The following FASTKD3 variants were observed in gnomAD, a reference collection of about 807,000 sequenced individuals.
FASTKD3 encodes the protein FAST kinase domains 3, also known as FAST kinase domain-containing protein 3, mitochondrial.
FASTKD3 carries 47 observed loss-of-function variants against 49.7 expected under a neutral mutation model. That is an observed-to-expected ratio of 0.95 (90% CI 0.75 to 1.21). The LOEUF (loss-of-function observed/expected upper bound fraction) is 1.21. Ranked by LOEUF, FASTKD3 falls within the 50% of genes most tolerant of loss-of-function variation. The probability of loss-of-function intolerance (pLI) is 0.00; values close to 1 mark genes in which losing one functional copy is unlikely to be tolerated. For missense variants in FASTKD3, 748 were observed against 765.7 expected (o/e 0.98, Z 0.27); for synonymous variants, 284 against 288.6 (o/e 0.98, Z 0.16).
chr5:7,868,017 C>G lies in FASTKD3; in HGVS notation c.67G>C (p.Ala23Pro). ...LSDFQMHRALAALKNKPLNHV... is the reference protein window; with the variant it reads ...LSDFQMHRALPALKNKPLNHV... ...TTTAGAGGTTTATTTTTTAAAGCAG[C>G]CAGAGCTCTATGCATCTGAAAATCA... Residue 23 changes from alanine to proline, a missense_variant, in exon 2 of 7, where the codon GCT (alanine) becomes CCT (proline). Coordinates refer to ENST00000264669, the MANE Select transcript of FASTKD3 (RefSeq NM_024091.4). The G allele has an allele frequency of 6.2e-7, 1 of 1,613,828 alleles. No homozygotes were observed. Among genetic ancestry groups the G allele is most frequent in the Non-Finnish European group, 8.5e-7 (1 of 1,179,970 alleles).
rs562548611 is a variant in FASTKD3 at position 7,863,738 on chromosome 5, T to C, written c.1525-741A>G. On this transcript the variant is annotated intron_variant, in intron 3 of 6. Coordinates refer to ENST00000264669, the MANE Select transcript of FASTKD3 (RefSeq NM_024091.4). Reference sequence around the variant, plus strand: ...AAATAACTAAATTAAACTTCTGTCATCCATGACAGATGCTAATAAATTCCA... The same window carrying C: ...AAATAACTAAATTAAACTTCTGTCACCCATGACAGATGCTAATAAATTCCA... Among the ~76,000 whole-genome samples the C allele has an allele frequency of 9.2e-5, 14 of 152,340 alleles. No homozygotes were observed. The South Asian group carries it at 2.9e-3, about 32-fold the overall frequency.
intron 6 of FASTKD3, among the ~76,000 whole-genome samples, chr5:7,860,919 C>T (rs1021179072): frequency 1.3e-5 from 2 of 152,204 alleles, no homozygotes; most frequent in African/African-American, 4.8e-5. Context: ...GAATATGTAA[C>T]TGTAACCAGT....
chr5:7,865,476 A>G (rs1469726407), intron 3 of FASTKD3, among the ~76,000 whole-genome samples: 4 of 152,188 alleles, frequency 2.6e-5, no homozygotes, highest in African/African-American at 4.8e-5. Context: ...ACTAAACTCT[A>G]TTAGATAAAA....
chr5:7,868,132 A>G lies in FASTKD3; in HGVS notation c.-49T>C. On this transcript the variant is annotated 5_prime_UTR_variant, in exon 2 of 7. It removes an upstream start codon present in the reference 5' UTR. Coordinates refer to ENST00000264669, the MANE Select transcript of FASTKD3 (RefSeq NM_024091.4). Reference sequence around the variant, plus strand: ...ACTAAATTAAAAAATTTAAAAACACATGGTTAAATACATTGAGAACATGAT... The same window carrying G: ...ACTAAATTAAAAAATTTAAAAACACGTGGTTAAATACATTGAGAACATGAT... The G allele has an allele frequency of 1.0e-5, 13 of 1,259,868 alleles. No homozygotes were observed. The highest frequency in any genetic ancestry group is 1.4e-5 in the Non-Finnish European group (13 of 905,130). 78.0% of individuals were successfully genotyped at this position (1,259,868 alleles called of 1,614,324 possible).
Position 7,861,563 on chromosome 5 carries a change from A to C in FASTKD3, c.1769+20T>G. 6.5e-7 allele frequency: 1 copy of C among 1,534,640 alleles called. No homozygotes were observed. Among genetic ancestry groups the C allele is most frequent in the Non-Finnish European group, 8.8e-7 (1 of 1,138,726 alleles). On this transcript the variant is annotated intron_variant, in intron 5 of 6. Coordinates refer to ENST00000264669, the MANE Select transcript of FASTKD3 (RefSeq NM_024091.4). ...CCTCAACGAGTCTTGTAATGTGAAA[A>C]ACACAACATTTTCCTGTACCTTTTA...
chr5:7,868,241 A>G, intron 1 of FASTKD3, 45 bp from the exon 2 acceptor site: 1 of 582,412 alleles, frequency 1.7e-6, no homozygotes, highest in East Asian at 2.9e-5. Context: ...TAACATATAA[A>G]CACCAGAGGG....
chr5:7,862,832 A>G lies in FASTKD3; in HGVS notation c.1690T>C (p.Tyr564His). Reference protein sequence around the residue: ...FAPKVLTPYCYTIDVEIKLDE... With the variant: ...FAPKVLTPYCHTIDVEIKLDE... ...TCCTTATACTACTTACCTATTGTAT[A>G]ACAATAGGGTGTCAACACTTTTGGA... The change falls in exon 4 of 7, where the codon TAT becomes CAT. Residue 564 changes from tyrosine to histidine, a missense_variant. By Grantham distance (83) the Tyr-to-His change is moderately conservative. Transcript: ENST00000264669. 1 of 1,608,942 alleles carries G rather than the reference A, an allele frequency of 6.2e-7. No homozygotes were observed. Among genetic ancestry groups the G allele is most frequent in the Non-Finnish European group, 8.5e-7 (1 of 1,176,548 alleles).
At chr5:7,863,241 C>A in intron 3 of FASTKD3, 3 of 447,400 alleles carry the variant, frequency 6.7e-6, no homozygotes, top group Non-Finnish European at 7.9e-6. Context: ...TTACCATAAA[C>A]AGAAAGAAAA....
chr5:7,859,349 T>C lies in FASTKD3; in HGVS notation c.*86A>G. On this transcript the variant is annotated 3_prime_UTR_variant, in exon 7 of 7. Coordinates refer to ENST00000264669, the MANE Select transcript of FASTKD3 (RefSeq NM_024091.4). ...CCAGTCTAGAACATATTCTGCAAAG[T>C]GGCTAATTCACATTATATTTTTCTT... The C allele has an allele frequency of 1.4e-6, 1 of 708,608 alleles. No individual in the cohort carries two copies. The highest frequency in any genetic ancestry group is 2.3e-6 in the Non-Finnish European group (1 of 429,678). The allele number at this position is 708,608 out of a possible 1,614,324, so 43.9% of individuals were successfully genotyped here.
At chr5:7,865,074 C>T (rs1198084414) in intron 3 of FASTKD3, among the ~76,000 whole-genome samples, 1 of 152,132 alleles carries the variant, frequency 6.6e-6, no homozygotes, top group East Asian at 1.9e-4. Flanking sequence ...CCATGATATA[C>T]TGCGCATAAA....
Position 7,861,934 on chromosome 5 carries a change from C to T in FASTKD3, c.1700-282G>A, listed in dbSNP as rs182454086. ...ATGACAAGAACCATGCATGCTTTCTCTTTCCCCTTATGATAGGTGGCAGAG... is the reference window on the plus strand; with the variant it reads ...ATGACAAGAACCATGCATGCTTTCTTTTTCCCCTTATGATAGGTGGCAGAG... On this transcript the variant is annotated intron_variant, in intron 4 of 6. Transcript: ENST00000264669. 2.0e-5 allele frequency: 6 copies of T among 304,692 alleles called. No individual in the cohort carries two copies. The Admixed American group carries it at 2.2e-4, about 11-fold the overall frequency. The allele number at this position is 304,692 out of a possible 1,614,324, so 18.9% of individuals were successfully genotyped here.
intron 1 of FASTKD3, 146 bp from the exon 2 acceptor site, chr5:7,868,342 A>G: frequency 2.4e-6 from 1 of 422,930 alleles, no homozygotes; most frequent in Non-Finnish European, 4.2e-6. Flanking sequence ...TAGGTATTCT[A>G]TTAACTTACA....
rs763871830 is a variant in FASTKD3 at position 7,867,117 on chromosome 5, C to G, written c.967G>C (p.Val323Leu). The G allele has an allele frequency of 1.2e-6, 2 of 1,614,102 alleles. No homozygotes were observed. The highest frequency in any genetic ancestry group is 1.1e-5 in the South Asian group (1 of 91,072). The change falls in exon 2 of 7, where the codon GTG (valine) becomes CTG (leucine). Residue 323 changes from valine to leucine, a missense_variant. Transcript: ENST00000264669. ...TTAGTGAAATGTGGGACATGCCTCACGACATATTTGCCCAATTTTATAATC... is the reference window on the plus strand; with the variant it reads ...TTAGTGAAATGTGGGACATGCCTCAGGACATATTTGCCCAATTTTATAATC... ...PLIIKLGKYVVRHVPHFTNEE... is the reference protein window; with the variant it reads ...PLIIKLGKYVLRHVPHFTNEE...
rs746476901 is a variant in FASTKD3 at position 7,861,672 on chromosome 5, A to G, written c.1700-20T>C. Reference sequence around the variant, plus strand: ...CAACATCTGGTGAGAGAAGAAAGGAAAAATTCCTCGTGTGATACCCTCACA... The same window carrying G: ...CAACATCTGGTGAGAGAAGAAAGGAGAAATTCCTCGTGTGATACCCTCACA... On this transcript the variant is annotated intron_variant, in intron 4 of 6. Transcript: ENST00000264669. The G allele has an allele frequency of 1.5e-5, 24 of 1,603,534 alleles. No individual in the cohort carries two copies. The highest frequency in any genetic ancestry group is 1.7e-5 in the Non-Finnish European group (20 of 1,173,880).
At position 7,861,595 on chromosome 5, in the gene FASTKD3, T is replaced by G; in HGVS notation, c.1757A>C (p.Asp586Ala). Residue 586 changes from aspartate to alanine, a missense_variant, in exon 5 of 7, where the codon GAT (aspartate) becomes GCT (alanine). This residue lies in a region of FASTKD3 where 178 missense variants were observed against 182.2 expected (regional missense o/e 0.98). Coordinates refer to ENST00000264669, the MANE Select transcript of FASTKD3 (RefSeq NM_024091.4). The part of the protein sequence containing the change: ...GFVLPSTANE[D>A]IHKRIALCID... ...CATTTTCCTGTACCTTTTATGGATA[T>G]CTTCATTAGCTGTGGATGGCAATAC... 6.3e-7 allele frequency: 1 copy of G among 1,592,814 alleles called. No individual in the cohort carries two copies. The highest frequency in any genetic ancestry group is 2.3e-5 in the East Asian group (1 of 44,106).
intron 2 of FASTKD3, among the ~76,000 whole-genome samples, chr5:7,866,323 A>C (rs1448921499): frequency 6.6e-6 from 1 of 150,632 alleles, no homozygotes; most frequent in Non-Finnish European, 1.5e-5. Context: ...CAAAAAAAAA[A>C]AAAAAGATAC....
chr5:7,866,793 T>C lies in FASTKD3; in HGVS notation c.1291A>G (p.Lys431Glu), dbSNP rs147051108. ...TGAGTGAATAGCACGTTTTCCAGCT[T>C]TCTAAATAAAGCAGAGGCATTTGGT... The part of the protein sequence containing the change: ...LPPNASALFR[K>E]LENVLFTHFN... Residue 431 changes from lysine (K) to glutamate (E), a missense_variant, in exon 2 of 7, where the codon AAG becomes GAG. Coordinates refer to ENST00000264669, the MANE Select transcript of FASTKD3 (RefSeq NM_024091.4). The C allele has an allele frequency of 7.4e-6, 12 of 1,614,082 alleles. No individual in the cohort carries two copies. Among genetic ancestry groups the C allele is most frequent in the Non-Finnish European group, 1.0e-5 (12 of 1,180,032 alleles).
At chr5:7,865,500 C>A (rs988078424) in intron 3 of FASTKD3, among the ~76,000 whole-genome samples, 1 of 152,124 alleles carries the variant, frequency 6.6e-6, no homozygotes, top group Admixed American at 6.5e-5. Context: ...AAATTTCTGG[C>A]TTGGCTTAAA....
At position 7,862,797 on chromosome 5, in the gene FASTKD3, A is replaced by G. The variant is rs753097102; in HGVS notation, c.1699+26T>C. On this transcript the variant is annotated intron_variant, in intron 4 of 6. Transcript: ENST00000264669. The stretch of plus-strand genomic sequence containing the variant: ...ATCGAACAGGATGCTTAGGTTTAAA[A>G]CAACAAAACTCCTTATACTACTTAC... 5 of 1,585,234 alleles carry G rather than the reference A, an allele frequency of 3.2e-6. No individual in the cohort carries two copies. In the East Asian group the frequency reaches 1.1e-4, roughly 36 times the overall value.
Sources: gnomAD v4.1 joint callset for allele counts (sites outside exome capture counted in the v4.1 genomes callset) on GRCh38, gnomAD v4.1.1 for gene constraint, gnomAD v4.1.1 regional missense constraint, MANE v1.5 for transcripts, NCBI Gene and HGNC (gene_info 2026-07-23, HGNC 2026-07-21) for gene names.